The following KCNH5 variants were observed in gnomAD, a reference collection of about 807,000 sequenced individuals.
The protein encoded by KCNH5 is voltage-gated delayed rectifier potassium channel KCNH5.
KCNH5 carries 46 observed loss-of-function variants against 96.1 expected under a neutral mutation model. That is an observed-to-expected ratio of 0.48 (90% CI 0.38 to 0.61). The LOEUF (loss-of-function observed/expected upper bound fraction) is 0.61, where lower values mean the gene tolerates loss of function less well. Among genes scored for constraint, KCNH5 ranks in the 20% least tolerant of loss-of-function variants. The probability of loss-of-function intolerance (pLI) is 0.00; values close to 1 mark genes in which losing one functional copy is unlikely to be tolerated. For synonymous variants in KCNH5, 439 were observed against 449.8 expected (o/e 0.98, Z 0.30); for missense variants, 907 against 1,225.8 (o/e 0.74, Z 3.88).
chr14:62,996,727 T>C (rs913848946), intron 4 of KCNH5, among the ~76,000 whole-genome samples: 1 of 152,184 alleles, frequency 6.6e-6, no homozygotes, highest in Admixed American at 6.6e-5. Flanking sequence ...CATAAATAGA[T>C]ATGTAGTTAC....
chr14:62,733,226 C>T (rs1452430951), intron 10 of KCNH5, among the ~76,000 whole-genome samples: 2 of 152,028 alleles, frequency 1.3e-5, no homozygotes, highest in African/African-American at 2.4e-5. Context: ...GTCCTCTTCC[C>T]CCCAAATTCA....
At chr14:62,846,694 T>C (rs1887697792) in intron 8 of KCNH5, among the ~76,000 whole-genome samples, 1 of 151,526 alleles carries the variant, frequency 6.6e-6, no homozygotes, top group African/African-American at 2.4e-5. Flanking sequence ...AATCTAGTTC[T>C]GAGATATCTA....
At chr14:63,032,708 C>T (rs1233746271) in intron 1 of KCNH5, among the ~76,000 whole-genome samples, 1 of 152,190 alleles carries the variant, frequency 6.6e-6, no homozygotes, top group Non-Finnish European at 1.5e-5. Flanking sequence ...CCAGACTGTC[C>T]AAGCTAATTA....
chr14:62,958,033 A>C (rs1890138306), intron 6 of KCNH5, among the ~76,000 whole-genome samples: 1 of 152,242 alleles, frequency 6.6e-6, no homozygotes, highest in Admixed American at 6.5e-5. Flanking sequence ...TTATGAGCAC[A>C]GAATTTCATA....
chr14:62,999,497 A>C (rs1448219732), intron 4 of KCNH5, among the ~76,000 whole-genome samples: 1 of 152,128 alleles, frequency 6.6e-6, no homozygotes, highest in Non-Finnish European at 1.5e-5. Flanking sequence ...GATTAAGAGA[A>C]TGTGGCACAT....
intron 10 of KCNH5, among the ~76,000 whole-genome samples, chr14:62,761,855 C>T (rs966343691): frequency 7.9e-5 from 12 of 152,166 alleles, no homozygotes; most frequent in South Asian, 2.1e-4. Flanking sequence ...GGGGACCTTT[C>T]GAAGGATGGC....
chr14:62,794,424 C>A (rs1188526831), intron 9 of KCNH5, among the ~76,000 whole-genome samples: 1 of 150,972 alleles, frequency 6.6e-6, no homozygotes, highest in Non-Finnish European at 1.5e-5. Flanking sequence ...TAAAAGCATG[C>A]ACATAATGTC....
chr14:62,748,111 AG>A (rs967472034), intron 10 of KCNH5, among the ~76,000 whole-genome samples: 1 of 152,182 alleles, frequency 6.6e-6, no homozygotes, highest in African/African-American at 2.4e-5. Context: ...ATTCAGGGTG[AG>A]TCCACAGTGC....
intron 10 of KCNH5, among the ~76,000 whole-genome samples, chr14:62,748,915 G>C (rs544779736): frequency 6.6e-6 from 1 of 152,080 alleles, no homozygotes; most frequent in African/African-American, 2.4e-5. Context: ...AAACAGAAAG[G>C]CTTTCCAAGA....
intron 8 of KCNH5, among the ~76,000 whole-genome samples, chr14:62,836,035 A>G (rs1887460907): frequency 6.6e-6 from 1 of 152,024 alleles, no homozygotes; most frequent in African/African-American, 2.4e-5. Flanking sequence ...TTCTATGTAA[A>G]TAACAAGCTT....
intron 7 of KCNH5, among the ~76,000 whole-genome samples, chr14:62,936,378 A>G (rs921478419): frequency 1.3e-5 from 2 of 152,170 alleles, no homozygotes; most frequent in African/African-American, 4.8e-5. Flanking sequence ...GACAATGCAG[A>G]AGAAAGAAAA....
chr14:63,021,708 G>A (rs1338534418), intron 1 of KCNH5, among the ~76,000 whole-genome samples: 4 of 151,868 alleles, frequency 2.6e-5, no homozygotes, highest in Non-Finnish European at 4.4e-5. Context: ...AGACAGCCAA[G>A]TCACCAATAA....
chr14:62,802,393 G>A lies in KCNH5; in HGVS notation c.1758C>T (p.Ala586=). The change falls in exon 9 of 11, where the codon GCC becomes GCT. Residue 586 remains alanine, a synonymous_variant. Coordinates refer to ENST00000322893, the MANE Select transcript of KCNH5 (RefSeq NM_139318.5). ...LIYHAGESVD[A]LCFVVSGSLE... ...AGGATCCTGACACCACAAAGCAGAG[G>A]GCATCCACACTTTCTCCAGCATGGT... 1 of 1,614,072 alleles carries A rather than the reference G, an allele frequency of 6.2e-7. No homozygotes were observed. Among genetic ancestry groups the A allele is most frequent in the South Asian group, 1.1e-5 (1 of 91,080 alleles).
chr14:62,713,662 C>T (rs1884620818), intron 10 of KCNH5, among the ~76,000 whole-genome samples: 1 of 152,228 alleles, frequency 6.6e-6, no homozygotes, highest in Non-Finnish European at 1.5e-5. Flanking sequence ...TCACAAGGTG[C>T]TACCACCAGC....
chr14:62,770,565 T>C (rs1885963390), intron 10 of KCNH5, among the ~76,000 whole-genome samples: 1 of 152,202 alleles, frequency 6.6e-6, no homozygotes, highest in African/African-American at 2.4e-5. Context: ...GGAATCTACA[T>C]GTACCTCTAT....
chr14:63,028,555 G>A (rs532746410), intron 1 of KCNH5, among the ~76,000 whole-genome samples: 1 of 152,172 alleles, frequency 6.6e-6, no homozygotes, highest in African/African-American at 2.4e-5. Context: ...TCTAATTCTT[G>A]GCTGAAATAA....
intron 7 of KCNH5, among the ~76,000 whole-genome samples, chr14:62,913,732 G>A (rs999743899): frequency 7.2e-5 from 11 of 152,018 alleles, no homozygotes; most frequent in Non-Finnish European, 1.3e-4. Flanking sequence ...AAGAAGCATT[G>A]TTTCTTAATG....
rs564736011 is a variant in KCNH5, at chr14:62,833,238, A to T, written c.1569+16415T>A. On this transcript the variant is annotated intron_variant, in intron 8 of 10. Transcript: ENST00000322893. ...CATTGTCAAAACCAATGTAAAGAAG[A>T]TTTTCTCATATGTTTTCTTCTAGTA... Among the ~76,000 whole-genome samples, 13 of 151,244 alleles carry T rather than the reference A, an allele frequency of 8.6e-5. No individual in the cohort carries two copies. In the East Asian group the frequency reaches 2.5e-3, roughly 30 times the overall value.
At chr14:62,848,955 C>T (rs1219730594) in intron 8 of KCNH5, among the ~76,000 whole-genome samples, 1 of 152,164 alleles carries the variant, frequency 6.6e-6, no homozygotes, top group Non-Finnish European at 1.5e-5. Flanking sequence ...TGATGTGAAT[C>T]AGCTGGGTGT....
Sources: allele counts gnomAD v4.1 joint callset (sites outside exome capture counted in the v4.1 genomes callset), GRCh38; gene constraint gnomAD v4.1.1; transcripts MANE v1.5; gene names NCBI Gene and HGNC (gene_info 2026-07-23, HGNC 2026-07-21).